CD6: variants seen among roughly 807,000 people sequenced by gnomAD.
CD6 encodes CD6 molecule, also known as T-cell differentiation antigen CD6.
CD6 carries 53 observed loss-of-function variants against 75.3 expected under a neutral mutation model. The observed-to-expected ratio is 0.70, with a 90% CI of 0.56 to 0.88. The LOEUF is 0.88. Among genes scored for constraint, CD6 ranks in the 40% least tolerant of loss-of-function variants. The pLI is 0.00. For missense variants in CD6, 770 were observed against 897.1 expected (o/e 0.86, Z 1.81); for synonymous variants, 359 against 381.5 (o/e 0.94, Z 0.69).
At chr11:61,000,078 T>A (rs866428854) in intron 1 of CD6, among the ~76,000 whole-genome samples, 14 of 149,844 alleles carry the variant, frequency 9.3e-5, no homozygotes, top group Admixed American at 4.0e-4. Flanking sequence ...TAAAAATAAA[T>A]ATAAATATAA....
chr11:60,998,512 A>G (rs11230556), intron 1 of CD6, among the ~76,000 whole-genome samples: 32,621 of 152,098 alleles, frequency 0.21, 3,637 homozygotes, highest in African/African-American at 0.25. Context: ...ATCAACTGTC[A>G]GCTCCTGACG....
chr11:61,015,144 C>T (rs1438112019), intron 8 of CD6, among the ~76,000 whole-genome samples: 1 of 152,208 alleles, frequency 6.6e-6, no homozygotes, highest in Admixed American at 6.5e-5. Context: ...TGAGGTAATA[C>T]TTGTAAGTGT....
intron 9 of CD6, chr11:61,017,250 G>C: frequency 5.4e-6 from 3 of 558,934 alleles, no homozygotes; most frequent in Non-Finnish European, 9.7e-6. Context: ...GGGCTGGGGG[G>C]TTGTAGGGCA....
In CD6 at chr11:61,015,724, C is replaced by T; in HGVS notation, c.1399C>T (p.Pro467Ser). 6.2e-7 allele frequency: 1 copy of T among 1,614,230 alleles called. No individual in the cohort carries two copies. Among genetic ancestry groups the T allele is most frequent in the Non-Finnish European group, 8.5e-7 (1 of 1,180,034 alleles). Residue 467 changes from proline to serine, a missense_variant, in exon 9 of 13, where the codon CCC becomes TCC. Transcript: ENST00000313421. ...ITIPKEVFML[P>S]IQVQAPPPED... ...TGTTCTCTCCCCAGTTTTCATGCTGCCCATCCAGGTCCAGGCCCCGCCCCC... is the reference window on the plus strand; with the variant it reads ...TGTTCTCTCCCCAGTTTTCATGCTGTCCATCCAGGTCCAGGCCCCGCCCCC...
At position 61,006,895 on chromosome 11, in the gene CD6, T is replaced by C. The variant is rs559899086; in HGVS notation, c.118+253T>C. 3.9e-5 allele frequency among the ~76,000 whole-genome samples: 6 copies of C among 152,194 alleles called. No individual in the cohort carries two copies. In the South Asian group the frequency reaches 1.3e-3, roughly 32 times the overall value. On this transcript the variant is annotated intron_variant, in intron 2 of 12. Coordinates refer to ENST00000313421, the MANE Select transcript of CD6 (RefSeq NM_006725.5). ...CCTGGAGCATTTTAAGGGGATTTGT[T>C]GAGAACAGGCTAGAGTTCTTGGTGG...
Position 60,976,485 on chromosome 11 carries a change from C to T in CD6, c.49+4571C>T, listed in dbSNP as rs183041679. ...AACTCACGGAGCTTGACCCAACTTA[C>T]ATTTAACACCATTGGATATATACTA... On this transcript the variant is annotated intron_variant, in intron 1 of 12. Transcript: ENST00000313421. Among the ~76,000 whole-genome samples, 895 of 152,274 alleles carry T rather than the reference C, an allele frequency of 5.9e-3. 4 individuals carry two copies. Among genetic ancestry groups the T allele is most frequent in the Middle Eastern group, 0.024 (7 of 294 alleles).
At chr11:61,011,998 A>G (rs1307721204) in intron 6 of CD6, among the ~76,000 whole-genome samples, 3 of 152,348 alleles carry the variant, frequency 2.0e-5, no homozygotes, top group East Asian at 3.9e-4. Context: ...TGTTGCTATG[A>G]GTATTTAGTT....
In CD6 at chr11:61,008,604, C is replaced by A; in HGVS notation, c.540C>A (p.Gly180=). 6.2e-7 allele frequency: 1 copy of A among 1,608,076 alleles called. No homozygotes were observed. Among genetic ancestry groups the A allele is most frequent in the Admixed American group, 1.7e-5 (1 of 59,430 alleles). ...CAGRVEMLEH[G]EWGSVCDDTW... is the part of the protein sequence containing the mutation. ...GCCGCGTGGAGATGCTGGAGCATGGCGAGTGGGGATCAGTGTGCGATGACA... is the reference window on the plus strand; with the variant it reads ...GCCGCGTGGAGATGCTGGAGCATGGAGAGTGGGGATCAGTGTGCGATGACA... Residue 180 remains glycine (G), a synonymous_variant, in exon 4 of 13, where the codon GGC becomes GGA. Coordinates refer to ENST00000313421, the MANE Select transcript of CD6 (RefSeq NM_006725.5).
At chr11:61,000,072 A>T (rs529262135) in intron 1 of CD6, among the ~76,000 whole-genome samples, 85 of 151,924 alleles carry the variant, frequency 5.6e-4, no homozygotes, top group Middle Eastern at 3.4e-3. Flanking sequence ...TAAAAATAAA[A>T]ATAAATATAA....
Position 60,974,853 on chromosome 11 carries a change from AG to A in CD6, c.49+2945del, listed in dbSNP as rs552723106. Among the ~76,000 whole-genome samples, 579 of 152,210 alleles carry A rather than the reference AG, an allele frequency of 3.8e-3. 7 individuals are homozygous for A. The highest frequency in any genetic ancestry group is 0.013 in the African/African-American group (539 of 41,528). Reference sequence around the variant, plus strand: ...TCAGCCATGTTTTCTCATCAGTGGAAGGGGGGTGCTCTGTCAGACAATCTAT... The same window carrying A: ...TCAGCCATGTTTTCTCATCAGTGGAAGGGGGTGCTCTGTCAGACAATCTAT... On this transcript the variant is annotated intron_variant, in intron 1 of 12. Coordinates refer to ENST00000313421, the MANE Select transcript of CD6 (RefSeq NM_006725.5).
intron 5 of CD6, 41 bp downstream of exon 5, chr11:61,009,915 T>C: frequency 6.6e-7 from 1 of 1,513,720 alleles, no homozygotes; most frequent in Non-Finnish European, 8.8e-7. Flanking sequence ...TGAGCCAGAA[T>C]TCTACCTGAA....
intron 1 of CD6, among the ~76,000 whole-genome samples, chr11:60,998,659 T>C (rs904684334): frequency 1.4e-4 from 21 of 152,184 alleles, no homozygotes; most frequent in African/African-American, 5.1e-4. Flanking sequence ...GTGGCCACAC[T>C]GTCTGCCCAG....
At chr11:61,011,286 C>G (rs1420637360) in intron 6 of CD6, 151 bp downstream of exon 6, 4 of 665,190 alleles carry the variant, frequency 6.0e-6, no homozygotes, top group African/African-American at 1.8e-5. Flanking sequence ...CTCCCCGGGG[C>G]TCTCTGGGTG....
chr11:60,972,802 C>T (rs930290333), intron 1 of CD6, among the ~76,000 whole-genome samples: 5 of 152,064 alleles, frequency 3.3e-5, no homozygotes, highest in African/African-American at 9.7e-5. Context: ...GAGGGGGCAT[C>T]GAGCTGGTTT....
intron 12 of CD6, chr11:61,019,050 C>G (rs1859556612): frequency 1.9e-6 from 1 of 529,392 alleles, no homozygotes; most frequent in African/African-American, 1.9e-5. Context: ...ATTGTGGAGA[C>G]CATAGCCCTG....
chr11:61,010,002 A>G, intron 5 of CD6, 128 bp downstream of exon 5: 1 of 899,114 alleles, frequency 1.1e-6, no homozygotes, highest in East Asian at 2.7e-5. Flanking sequence ...CATAAGAAGG[A>G]CTGTTGTCCT....
rs998556221 is a variant in CD6 at position 61,007,603 on chromosome 11, C to T, written c.162C>T (p.Cys54=). The T allele has an allele frequency of 2.0e-6, 3 of 1,504,012 alleles. No individual in the cohort carries two copies. The Admixed American group carries it at 6.6e-5, about 33-fold the overall frequency. The allele number at this position is 1,504,012 out of a possible 1,614,324, so 93.2% of individuals were successfully genotyped here. ...GTCTGACAAACGGGAGCAGCAGCTG[C>T]AGCGGGACGGTGGAGGTGCGGCTCG... ...PVRLTNGSSS[C]SGTVEVRLEA... Residue 54 remains cysteine, a synonymous_variant, in exon 3 of 13, where the codon TGC becomes TGT. Coordinates refer to ENST00000313421, the MANE Select transcript of CD6 (RefSeq NM_006725.5). This position sits in a 1 kb window ranked among gnomAD's most constrained non-coding sequence, Gnocchi z 4.2.
intron 1 of CD6, among the ~76,000 whole-genome samples, chr11:61,004,205 C>A (rs1387401092): frequency 1.3e-5 from 2 of 152,158 alleles, no homozygotes; most frequent in African/African-American, 2.4e-5. Context: ...GTCGTAATCA[C>A]ATATGCACAC....
chr11:61,018,218 GC>G (rs1859513697), intron 11 of CD6, 70 bp from the exon 12 acceptor site: 5 of 1,384,476 alleles, frequency 3.6e-6, no homozygotes, highest in South Asian at 1.4e-5. Context: ...AGTCACGTGG[GC>G]CCCCCAGCTC....
Sources: allele counts gnomAD v4.1 joint callset (sites outside exome capture counted in the v4.1 genomes callset), GRCh38; gene constraint gnomAD v4.1.1; non-coding constraint Gnocchi (gnomAD v3.1); transcripts MANE v1.5; gene names NCBI Gene and HGNC (gene_info 2026-07-23, HGNC 2026-07-21).